MAPK10: variants seen among roughly 807,000 people sequenced by gnomAD.
MAPK10 encodes the protein mitogen-activated protein kinase 10, also known as JNK3 alpha protein kinase.
MAPK10 carries 25 observed loss-of-function variants against 59.3 expected under a neutral mutation model. That is an observed-to-expected ratio of 0.42 (90% CI 0.31 to 0.59). The LOEUF is 0.59. Among genes scored for constraint, MAPK10 ranks in the 20% least tolerant of loss-of-function variants. The probability of loss-of-function intolerance (pLI) is 0.15; values close to 1 mark genes in which losing one functional copy is unlikely to be tolerated. For missense variants in MAPK10, 351 were observed against 568.9 expected (o/e 0.62, Z 3.90); for synonymous variants, 190 against 200.5 (o/e 0.95, Z 0.44).
chr4:86,528,642 A>G (rs1185383051), intron 1 of MAPK10, among the ~76,000 whole-genome samples: 1 of 152,176 alleles, frequency 6.6e-6, no homozygotes, highest in Non-Finnish European at 1.5e-5. Flanking sequence ...TCCTGGCCTC[A>G]GGTGATCCTT....
rs929991215 is a variant in MAPK10, at chr4:86,524,103, G to A, written c.-263+69807C>T. 4.4e-4 allele frequency among the ~76,000 whole-genome samples: 67 copies of A among 152,220 alleles called. 1 individual carries two copies. The highest frequency in any genetic ancestry group is 2.1e-4 in the South Asian group (1 of 4,818). ...TTGCTTCCTCTTTTGCAATGTGATC[G>A]TTGCACGTACAAGCTCCCCTTCACC... On this transcript the variant is annotated intron_variant, in intron 1 of 4. Transcript: ENST00000502302.
In MAPK10 at chr4:86,494,842, C is replaced by CAAAAAAA. The variant is rs567947232; in HGVS notation, c.-263+99061_-263+99067dup. ...TGGGCGACAGAGAGAGACTCCGTCTCAAAAAAAAAAAAAAAAAAAAAAAAA... is the reference window on the plus strand; with the variant it reads ...TGGGCGACAGAGAGAGACTCCGTCTCAAAAAAAAAAAAAAAAAAAAAAAAAAAAAAAA... On this transcript the variant is annotated intron_variant, in intron 1 of 4. Transcript: ENST00000502302. Among the ~76,000 whole-genome samples the CAAAAAAA allele has an allele frequency of 8.3e-4, 20 of 23,988 alleles. 4 individuals carry two copies. The highest frequency in any genetic ancestry group is 3.8e-3 in the African/African-American group (16 of 4,210). 15.7% of individuals were successfully genotyped at this position (23,988 alleles called of 152,430 possible).
At chr4:86,487,009 T>C (rs1754046086) in intron 1 of MAPK10, among the ~76,000 whole-genome samples, 1 of 152,120 alleles carries the variant, frequency 6.6e-6, no homozygotes, top group Admixed American at 6.6e-5. Context: ...CACATAGCCG[T>C]CTTATATTTG....
chr4:86,042,283 T>A (rs188553340), intron 11 of MAPK10, among the ~76,000 whole-genome samples: 1 of 152,120 alleles, frequency 6.6e-6, no homozygotes, highest in South Asian at 2.1e-4. Context: ...TGAGAACACA[T>A]GGACACAGGG....
At chr4:86,557,750 ATAT>A (rs1398157800) in intron 1 of MAPK10, among the ~76,000 whole-genome samples, 1 of 152,052 alleles carries the variant, frequency 6.6e-6, no homozygotes, top group Non-Finnish European at 1.5e-5. Flanking sequence ...TTCTGTTTTC[ATAT>A]TAGTCAGTTA....
intron 1 of MAPK10, among the ~76,000 whole-genome samples, chr4:86,509,399 A>G (rs560786867): frequency 1.2e-3 from 176 of 152,014 alleles, no homozygotes; most frequent in African/African-American, 4.2e-3. Flanking sequence ...GCAATAATAC[A>G]AGGTATCTCT....
intron 7 of MAPK10, chr4:86,101,452 G>T: frequency 4.4e-6 from 2 of 454,506 alleles, no homozygotes; most frequent in Non-Finnish European, 7.9e-6. Flanking sequence ...ACTAATCTTG[G>T]GAAGAGGTTT....
chr4:86,145,205 T>G (rs1411450475), intron 4 of MAPK10, among the ~76,000 whole-genome samples: 1 of 148,048 alleles, frequency 6.8e-6, no homozygotes, highest in Non-Finnish European at 1.5e-5. Context: ...CCATTCAAAT[T>G]TCTATCTCTA....
At chr4:86,507,655 T>TATATATATATATAC (rs1755886177) in intron 1 of MAPK10, among the ~76,000 whole-genome samples, 30 of 71,268 alleles carry the variant, frequency 4.2e-4, no homozygotes, top group Admixed American at 6.1e-4. Context: ...TATATATATA[T>TATATATATATATAC]ATATATATAT....
At chr4:86,133,881 T>C (rs1379509181) in intron 4 of MAPK10, among the ~76,000 whole-genome samples, 1 of 152,216 alleles carries the variant, frequency 6.6e-6, no homozygotes, top group Non-Finnish European at 1.5e-5. Context: ...TAAATAATGA[T>C]TCTCGGGTAA....
chr4:86,242,040 G>GT (rs2092756306), intron 2 of MAPK10, among the ~76,000 whole-genome samples: 2 of 151,866 alleles, frequency 1.3e-5, no homozygotes, highest in African/African-American at 2.4e-5. Flanking sequence ...GTTGTTGTTG[G>GT]TGGTGGTGGT....
At chr4:86,144,836 C>T (rs1038111966) in intron 4 of MAPK10, among the ~76,000 whole-genome samples, 4 of 152,068 alleles carry the variant, frequency 2.6e-5, no homozygotes, top group Non-Finnish European at 5.9e-5. Flanking sequence ...TCCATGTTTG[C>T]TTTCAGGACA....
At chr4:86,504,064 C>T (rs1755537590) in intron 1 of MAPK10, among the ~76,000 whole-genome samples, 1 of 152,082 alleles carries the variant, frequency 6.6e-6, no homozygotes, top group African/African-American at 2.4e-5. Context: ...AACATTCCCC[C>T]CAGCCTACCC....
intron 1 of MAPK10, among the ~76,000 whole-genome samples, chr4:86,588,470 A>T (rs1482571325): frequency 6.6e-6 from 1 of 152,178 alleles, no homozygotes; most frequent in African/African-American, 2.4e-5. Context: ...TTTAAACAGA[A>T]ATCAGATCAT....
chr4:86,428,284 C>A (rs1747569539), intron 1 of MAPK10, among the ~76,000 whole-genome samples: 1 of 152,140 alleles, frequency 6.6e-6, no homozygotes, highest in South Asian at 2.1e-4. Flanking sequence ...GCTGGGACCA[C>A]AGATGCATGC....
chr4:86,077,095 A>G (rs2049651420), intron 9 of MAPK10, among the ~76,000 whole-genome samples: 1 of 152,176 alleles, frequency 6.6e-6, no homozygotes, highest in South Asian at 2.1e-4. Context: ...TTGACTACAT[A>G]AAAGTAGAGT....
chr4:86,238,582 C>T (rs1319932627), intron 2 of MAPK10, among the ~76,000 whole-genome samples: 1 of 152,010 alleles, frequency 6.6e-6, no homozygotes, highest in African/African-American at 2.4e-5. Context: ...AGCTGTATTT[C>T]TAGGTATTTT....
intron 9 of MAPK10, among the ~76,000 whole-genome samples, chr4:86,093,256 C>T (rs368101767): frequency 1.4e-4 from 22 of 152,020 alleles, no homozygotes; most frequent in Admixed American, 3.9e-4. Flanking sequence ...TGGGGGATTA[C>T]GTAACTCTTT....
intron 1 of MAPK10, among the ~76,000 whole-genome samples, chr4:86,548,166 T>C (rs902101205): frequency 6.6e-6 from 1 of 152,034 alleles, no homozygotes; most frequent in Non-Finnish European, 1.5e-5. Flanking sequence ...GCAGCTTCAC[T>C]CCTGAAGCCA....
Sources: gnomAD v4.1 joint callset for allele counts (sites outside exome capture counted in the v4.1 genomes callset) on GRCh38, gnomAD v4.1.1 for gene constraint, MANE v1.5 for transcripts, NCBI Gene and HGNC (gene_info 2026-07-23, HGNC 2026-07-21) for gene names.